ZNF438: variants seen among roughly 807,000 people sequenced by gnomAD.
ZNF438 encodes zinc finger protein 438.
ZNF438 carries 25 observed loss-of-function variants against 38.0 expected under a neutral mutation model. The observed-to-expected ratio is 0.66, with a 90% CI of 0.48 to 0.92. The LOEUF is 0.92. Ranked by LOEUF, ZNF438 falls within the 40% of genes least tolerant of loss-of-function variation. ZNF438 has a pLI of 0.00. For missense variants in ZNF438, 1,007 were observed against 999.6 expected, an observed-to-expected ratio of 1.01 and a Z score of -0.10; for synonymous variants, 372 against 364.1, an observed-to-expected ratio of 1.02 and a Z score of -0.25.
intron 1 of ZNF438, among the ~76,000 whole-genome samples, chr10:30,955,080 T>C (rs2048717346): frequency 6.6e-6 from 1 of 152,244 alleles, no homozygotes; most frequent in Non-Finnish European, 1.5e-5. Context: ...AGCTATTCTA[T>C]GACTGCCTCT....
At chr10:30,880,428 T>C (rs1310757288) in intron 3 of ZNF438, among the ~76,000 whole-genome samples, 1 of 78,788 alleles carries the variant, frequency 1.3e-5, no homozygotes, top group African/African-American at 4.5e-5. Context: ...CAAAATTCTA[T>C]CTAAAAAAAA....
intron 2 of ZNF438, among the ~76,000 whole-genome samples, chr10:30,914,054 G>A (rs908066339): frequency 3.9e-5 from 6 of 151,950 alleles, no homozygotes; most frequent in Admixed American, 6.6e-5. Flanking sequence ...TTATGTGTGC[G>A]TATAAACTAA....
At chr10:30,979,987 A>G (rs1168799999) in intron 1 of ZNF438, among the ~76,000 whole-genome samples, 1 of 152,030 alleles carries the variant, frequency 6.6e-6, no homozygotes, top group Non-Finnish European at 1.5e-5. Context: ...CTCTAAATCT[A>G]CCTCCACTGG....
chr10:30,945,032 C>CA (rs1480638901), intron 1 of ZNF438, among the ~76,000 whole-genome samples: 10 of 149,762 alleles, frequency 6.7e-5, no homozygotes, highest in African/African-American at 2.4e-4. Flanking sequence ...TTCTACTTTA[C>CA]AGTACTCTTC....
At position 30,848,682 on chromosome 10, in the gene ZNF438, C is replaced by T. The variant is rs149636280; in HGVS notation, c.1723G>A (p.Val575Met). The change falls in exon 5 of 6, where the codon GTG (valine) becomes ATG (methionine). Residue 575 changes from valine to methionine, a missense_variant. Transcript: ENST00000413025. The stretch of plus-strand genomic sequence containing the variant: ...AAATAGACTCGGATGTGGCCAAACA[C>T]TTTTGCACAAAACTCACAACACATG... 2.6e-4 allele frequency: 421 copies of T among 1,614,226 alleles called. No homozygotes were observed. In the African/African-American group the frequency reaches 2.8e-3, roughly 11 times the overall value.
chr10:31,029,004 T>A (rs1458038063), intron 1 of ZNF438, among the ~76,000 whole-genome samples: 1 of 152,158 alleles, frequency 6.6e-6, no homozygotes, highest in Non-Finnish European at 1.5e-5. Flanking sequence ...GAAAAATAAA[T>A]GGGTATCTCC....
At chr10:30,852,719 A>G (rs2033893026) in intron 4 of ZNF438, among the ~76,000 whole-genome samples, 1 of 152,250 alleles carries the variant, frequency 6.6e-6, no homozygotes, top group South Asian at 2.1e-4. Context: ...CCTGCACGAG[A>G]GTAAGAAGTA....
chr10:30,894,848 T>C (rs879738882), intron 3 of ZNF438, among the ~76,000 whole-genome samples: 1 of 152,234 alleles, frequency 6.6e-6, no homozygotes, highest in Non-Finnish European at 1.5e-5. Flanking sequence ...GCTGACAGTC[T>C]TGATAGTCTA....
intron 4 of ZNF438, among the ~76,000 whole-genome samples, chr10:30,873,355 C>G (rs1352025054): frequency 6.6e-6 from 1 of 152,142 alleles, no homozygotes; most frequent in East Asian, 1.9e-4. Context: ...GTTAGAGTGA[C>G]AGTACAATGT....
At chr10:31,011,544 G>A (rs1589714915) in intron 1 of ZNF438, among the ~76,000 whole-genome samples, 1 of 152,210 alleles carries the variant, frequency 6.6e-6, no homozygotes. Flanking sequence ...GAGGAAGAGA[G>A]TCAAAAACAG....
intron 1 of ZNF438, among the ~76,000 whole-genome samples, chr10:31,008,433 C>A (rs150505109): frequency 6.6e-6 from 1 of 152,304 alleles, no homozygotes; most frequent in African/African-American, 2.4e-5. Context: ...CATTAGTAGT[C>A]ATTCCCCATC....
chr10:31,007,276 GTTTTTTTTTTTT>G (rs60434764), intron 1 of ZNF438, among the ~76,000 whole-genome samples: 1 of 112,388 alleles, frequency 8.9e-6, no homozygotes, highest in African/African-American at 3.6e-5. Flanking sequence ...TTTTTTTGGT[GTTTTTTTTTTTT>G]TTTTTTTTTT....
intron 2 of ZNF438, among the ~76,000 whole-genome samples, chr10:30,929,786 C>CTAGACA (rs1458511579): frequency 6.6e-6 from 1 of 152,218 alleles, no homozygotes; most frequent in African/African-American, 2.4e-5. Flanking sequence ...AATCCTCCAG[C>CTAGACA]TAGACATAAA....
At chr10:30,845,093 C>G (rs748186079) in exon 6 of ZNF438, 1 of 1,614,186 alleles carries the variant, frequency 6.2e-7, no homozygotes, top group Admixed American at 1.7e-5. Context: ...CTTTCCGTCC[C>G]AGCATCTCTG....
chr10:30,953,860 T>C lies in ZNF438; in HGVS notation c.-191-12209A>G, dbSNP rs375296935. Among the ~76,000 whole-genome samples, 5 of 152,190 alleles carry C rather than the reference T, an allele frequency of 3.3e-5. No homozygotes were observed. In the East Asian group the frequency reaches 9.7e-4, roughly 29 times the overall value. On this transcript the variant is annotated intron_variant, in intron 1 of 5. Transcript: ENST00000413025. ...CTCACATGAAATAGAAAAGACAAAA[T>C]AGGCCGGGCACAGTGGCTCACACCT...
At chr10:30,942,425 T>TA (rs1235969004) in intron 1 of ZNF438, among the ~76,000 whole-genome samples, 1 of 152,214 alleles carries the variant, frequency 6.6e-6, no homozygotes, top group Non-Finnish European at 1.5e-5. Context: ...GTTACTACGG[T>TA]AGTCAAGATG....
intron 2 of ZNF438, chr10:30,923,357 A>C (rs2044540993): frequency 6.6e-6 from 1 of 151,968 alleles, no homozygotes; most frequent in East Asian, 1.9e-4. Context: ...ACTCCTTCCA[A>C]TGTTGTTTTC....
At chr10:30,844,977 C>T (rs1385059772) in exon 6 of ZNF438, 1 of 1,613,562 alleles carries the variant, frequency 6.2e-7, no homozygotes, top group Admixed American at 1.7e-5. Context: ...CTCAGCTTCA[C>T]TGGAAAGTTC....
At chr10:30,993,056 A>C (rs566339245) in intron 1 of ZNF438, among the ~76,000 whole-genome samples, 1 of 152,346 alleles carries the variant, frequency 6.6e-6, no homozygotes, top group African/African-American at 2.4e-5. Flanking sequence ...AATCAAATGA[A>C]AAGCAAAGTG....
Sources: allele counts gnomAD v4.1 joint callset (sites outside exome capture counted in the v4.1 genomes callset), GRCh38; gene constraint gnomAD v4.1.1; transcripts MANE v1.5; gene names NCBI Gene and HGNC (gene_info 2026-07-23, HGNC 2026-07-21).